Variants in KIAA1217 observed in about 807,000 individuals in gnomAD.
KIAA1217 encodes KIAA1217, also known as sickle tail protein homolog.
KIAA1217 carries 88 observed loss-of-function variants against 163.9 expected under a neutral mutation model. The ratio of observed to expected loss-of-function variants is 0.54; its 90% CI spans 0.45 to 0.64. KIAA1217 has a LOEUF of 0.64. Ranked by LOEUF, KIAA1217 falls within the 30% of genes least tolerant of loss-of-function variation. KIAA1217 has a pLI of 0.00. For synonymous variants in KIAA1217, 903 were observed against 923.1 expected, an observed-to-expected ratio of 0.98 and a Z score of 0.39; for missense variants, 2,372 against 2,475.0, an observed-to-expected ratio of 0.96 and a Z score of 0.88.
At chr10:24,307,630 T>C (rs913481117) in intron 2 of KIAA1217, among the ~76,000 whole-genome samples, 1 of 141,190 alleles carries the variant, frequency 7.1e-6, no homozygotes, top group Non-Finnish European at 1.5e-5. Flanking sequence ...AAAAAAAAAA[T>C]ATTAGCCAGG....
chr10:23,973,870 A>G (rs1165235294), intron 1 of KIAA1217, among the ~76,000 whole-genome samples: 1 of 152,152 alleles, frequency 6.6e-6, no homozygotes, highest in Non-Finnish European at 1.5e-5. Context: ...TCACCTCTAG[A>G]AGGAAATGAA....
At chr10:23,897,610 C>G (rs1479022134) in intron 1 of KIAA1217, among the ~76,000 whole-genome samples, 1 of 151,960 alleles carries the variant, frequency 6.6e-6, no homozygotes, top group Non-Finnish European at 1.5e-5. Flanking sequence ...ATTGAATGTG[C>G]TCTTATATAG....
intron 2 of KIAA1217, among the ~76,000 whole-genome samples, chr10:24,201,175 G>A (rs747706805): frequency 7.9e-5 from 12 of 152,116 alleles, no homozygotes; most frequent in Non-Finnish European, 1.5e-4. Context: ...GGAGGATGAG[G>A]CAGGAGAATT....
At chr10:23,849,434 C>T (rs540322058) in intron 1 of KIAA1217, among the ~76,000 whole-genome samples, 8 of 152,130 alleles carry the variant, frequency 5.3e-5, no homozygotes, top group East Asian at 1.9e-4. Context: ...AATAAGGGGA[C>T]GTGAGGCAGT....
chr10:24,092,280 CT>C (rs1239352647), intron 2 of KIAA1217, among the ~76,000 whole-genome samples: 3 of 151,700 alleles, frequency 2.0e-5, no homozygotes, highest in African/African-American at 7.3e-5. Flanking sequence ...CAACTCCTCA[CT>C]TCCCTCTTTC....
chr10:24,131,620 T>C (rs1445106663), intron 2 of KIAA1217, among the ~76,000 whole-genome samples: 1 of 152,110 alleles, frequency 6.6e-6, no homozygotes, highest in East Asian at 1.9e-4. Context: ...AATTTTCTAA[T>C]TAAAAATGAA....
chr10:24,379,868 G>A (rs1454465528), intron 2 of KIAA1217, among the ~76,000 whole-genome samples: 1 of 151,900 alleles, frequency 6.6e-6, no homozygotes, highest in Non-Finnish European at 1.5e-5. Context: ...CCTAGCCAAC[G>A]TGGCAAAACC....
intron 2 of KIAA1217, among the ~76,000 whole-genome samples, chr10:24,240,229 A>C (rs926672324): frequency 2.0e-5 from 3 of 152,200 alleles, no homozygotes; most frequent in Non-Finnish European, 4.4e-5. Context: ...GTGAGTAGTT[A>C]GTTCCACCAA....
chr10:24,466,715 G>C, intron 5 of KIAA1217: 1 of 985,412 alleles, frequency 1.0e-6, no homozygotes, highest in Non-Finnish European at 1.2e-6. Flanking sequence ...AGCAAACAAA[G>C]GAATCATGTA....
intron 1 of KIAA1217, among the ~76,000 whole-genome samples, chr10:23,726,510 A>G (rs1456559445): frequency 6.6e-6 from 1 of 152,174 alleles, no homozygotes; most frequent in Non-Finnish European, 1.5e-5. Flanking sequence ...CTTCAAGTCT[A>G]AAACACCAAA....
chr10:23,881,241 T>A, intron 1 of KIAA1217, among the ~76,000 whole-genome samples: 1 of 151,986 alleles, frequency 6.6e-6, no homozygotes, highest in East Asian at 1.9e-4. Context: ...TTGAAATTAG[T>A]TGTTATGCAA....
intron 1 of KIAA1217, among the ~76,000 whole-genome samples, chr10:23,709,202 G>A (rs964728390): frequency 6.6e-6 from 1 of 152,106 alleles, no homozygotes; most frequent in Non-Finnish European, 1.5e-5. Context: ...TTCGGCTATA[G>A]CAGTAGTGGA....
Position 24,438,480 on chromosome 10 carries a change from G to A in KIAA1217, c.846+1G>A. 6.3e-7 allele frequency: 1 copy of A among 1,598,346 alleles called. No homozygotes were observed. The highest frequency in any genetic ancestry group is 8.6e-7 in the Non-Finnish European group (1 of 1,165,680). ...AAAAACTATGAATGGAGACATGAGGGTAAGTGTTTCTGTCATATTTTTACT... is the reference window on the plus strand; with the variant it reads ...AAAAACTATGAATGGAGACATGAGGATAAGTGTTTCTGTCATATTTTTACT... On this transcript the variant is annotated splice_donor_variant, in intron 5 of 20. Coordinates refer to ENST00000376454, the MANE Select transcript of KIAA1217 (RefSeq NM_019590.5). LOFTEE classifies it high-confidence loss of function.
intron 1 of KIAA1217, among the ~76,000 whole-genome samples, chr10:23,910,643 T>C (rs16924050): frequency 0.018 from 2,775 of 152,294 alleles, 90 homozygotes; most frequent in African/African-American, 0.06. Flanking sequence ...CAAGTTGTGA[T>C]GAATGTCAAG....
chr10:24,539,709 C>T (rs1198334050), intron 17 of KIAA1217, among the ~76,000 whole-genome samples: 1 of 152,202 alleles, frequency 6.6e-6, no homozygotes, highest in Admixed American at 6.5e-5. Flanking sequence ...GATTAACCTT[C>T]TTCAGAATGA....
At chr10:24,068,854 T>C (rs1439248580) in intron 2 of KIAA1217, among the ~76,000 whole-genome samples, 2 of 152,228 alleles carry the variant, frequency 1.3e-5, no homozygotes, top group African/African-American at 4.8e-5. Flanking sequence ...CTGCAGATTC[T>C]GTGCTGTGCT....
intron 1 of KIAA1217, among the ~76,000 whole-genome samples, chr10:23,823,172 G>C (rs1358081971): frequency 6.6e-6 from 1 of 152,230 alleles, no homozygotes; most frequent in Non-Finnish European, 1.5e-5. Context: ...TGGCAGGGCT[G>C]TGTTCCATTC....
chr10:24,230,406 C>G (rs2071211447), intron 2 of KIAA1217, among the ~76,000 whole-genome samples: 1 of 151,060 alleles, frequency 6.6e-6, no homozygotes, highest in African/African-American at 2.4e-5. Flanking sequence ...GATTTTGGAG[C>G]TTTTCAGATA....
At chr10:24,235,035 A>C (rs1465753276) in intron 2 of KIAA1217, among the ~76,000 whole-genome samples, 3 of 152,222 alleles carry the variant, frequency 2.0e-5, no homozygotes, top group Non-Finnish European at 4.4e-5. Context: ...CAGCTCTATT[A>C]GTCACAGTTC....
Sources: allele counts gnomAD v4.1 joint callset (sites outside exome capture counted in the v4.1 genomes callset), GRCh38; gene constraint gnomAD v4.1.1; transcripts MANE v1.5; gene names NCBI Gene and HGNC (gene_info 2026-07-23, HGNC 2026-07-21).